Variants in RNF150 observed in about 807,000 individuals in gnomAD.
RNF150 encodes ring finger protein 150.
RNF150 carries 24 observed loss-of-function variants against 39.3 expected under a neutral mutation model. The observed-to-expected ratio is 0.61, with a 90% CI of 0.44 to 0.86. The LOEUF is 0.86. Ranked by LOEUF, RNF150 falls within the 40% of genes least tolerant of loss-of-function variation. RNF150 has a pLI of 0.00. For synonymous variants in RNF150, 255 were observed against 227.3 expected (o/e 1.12, Z -1.10); for missense variants, 502 against 587.8 (o/e 0.85, Z 1.51).
At chr4:141,035,216 C>T (rs894767518) in intron 1 of RNF150, among the ~76,000 whole-genome samples, 3 of 152,160 alleles carry the variant, frequency 2.0e-5, no homozygotes, top group Non-Finnish European at 2.9e-5. Context: ...GAAGTGTTTA[C>T]TTAAAATTAG....
At chr4:140,973,158 G>A (rs1390944488) in intron 1 of RNF150, among the ~76,000 whole-genome samples, 1 of 152,136 alleles carries the variant, frequency 6.6e-6, no homozygotes, top group African/African-American at 2.4e-5. Flanking sequence ...AGTAAGTGAT[G>A]AGAATACTTA....
At chr4:140,927,391 T>C (rs1229462198) in intron 4 of RNF150, among the ~76,000 whole-genome samples, 1 of 152,116 alleles carries the variant, frequency 6.6e-6, no homozygotes, top group East Asian at 1.9e-4. Flanking sequence ...TGGGAGGTGA[T>C]TGGATCATGG....
chr4:140,917,191 A>G (rs1469249118), intron 5 of RNF150, among the ~76,000 whole-genome samples: 1 of 152,192 alleles, frequency 6.6e-6, no homozygotes, highest in African/African-American at 2.4e-5. Flanking sequence ...CACACATAAC[A>G]ATATTAACCT....
At chr4:140,983,643 A>G (rs954867782) in intron 1 of RNF150, among the ~76,000 whole-genome samples, 4 of 151,846 alleles carry the variant, frequency 2.6e-5, no homozygotes, top group Admixed American at 6.6e-5. Flanking sequence ...TGTGGGGGGA[A>G]TCTAGGCATG....
chr4:141,151,213 G>A (rs1205459237), intron 1 of RNF150, among the ~76,000 whole-genome samples: 1 of 151,942 alleles, frequency 6.6e-6, no homozygotes, highest in Non-Finnish European at 1.5e-5. Flanking sequence ...CAAAGTGCTG[G>A]GATTACAGGC....
At chr4:140,937,439 T>C (rs1560976729) in intron 4 of RNF150, among the ~76,000 whole-genome samples, 1 of 152,084 alleles carries the variant, frequency 6.6e-6, no homozygotes, top group Non-Finnish European at 1.5e-5. Flanking sequence ...TTTTGTATTT[T>C]TAGTAGAGAC....
At chr4:141,095,976 T>A (rs1409898291) in intron 1 of RNF150, among the ~76,000 whole-genome samples, 1 of 152,118 alleles carries the variant, frequency 6.6e-6, no homozygotes, top group African/African-American at 2.4e-5. Context: ...ATTTTATATA[T>A]TTTTTAAAAG....
At chr4:141,188,858 C>A (rs1318954283) in intron 1 of RNF150, among the ~76,000 whole-genome samples, 7 of 152,198 alleles carry the variant, frequency 4.6e-5, no homozygotes, top group Admixed American at 4.6e-4. Flanking sequence ...TTATTACCCA[C>A]CTTCTTGAAG....
In RNF150 at chr4:140,940,890, T is replaced by G. The variant is rs7682297; in HGVS notation, c.890+6764A>C. On this transcript the variant is annotated intron_variant, in intron 4 of 6. Coordinates refer to ENST00000515673, the MANE Select transcript of RNF150 (RefSeq NM_020724.2). The stretch of plus-strand genomic sequence containing the variant: ...TGTCTATGGAGCAGCCATTTTGCTG[T>G]ACACTGTTGCTCTAATAGAACCTGC... 7.1e-3 allele frequency among the ~76,000 whole-genome samples: 1,076 copies of G among 152,310 alleles called. 10 individuals carry two copies. The highest frequency in any genetic ancestry group is 0.025 in the African/African-American group (1,023 of 41,570).
intron 1 of RNF150, among the ~76,000 whole-genome samples, chr4:141,155,837 T>C (rs1262650488): frequency 6.6e-6 from 1 of 152,180 alleles, no homozygotes; most frequent in Non-Finnish European, 1.5e-5. Flanking sequence ...AAGGGGAGTC[T>C]GGTTGCAGTA....
At chr4:140,958,447 G>T (rs1231575655) in intron 2 of RNF150, among the ~76,000 whole-genome samples, 1 of 152,274 alleles carries the variant, frequency 6.6e-6, no homozygotes, top group Admixed American at 6.5e-5. Context: ...TGCCATTGAG[G>T]TGGCTTCGTC....
chr4:141,123,676 T>C (rs1408800746), intron 1 of RNF150, among the ~76,000 whole-genome samples: 1 of 152,190 alleles, frequency 6.6e-6, no homozygotes, highest in East Asian at 1.9e-4. Flanking sequence ...ACATTAGGTA[T>C]ATCTCCTAAT....
intron 2 of RNF150, among the ~76,000 whole-genome samples, chr4:140,961,454 A>G (rs2111406193): frequency 6.6e-6 from 1 of 152,236 alleles, no homozygotes; most frequent in Non-Finnish European, 1.5e-5. Context: ...AATGGCTTTG[A>G]TGTTCCATTT....
chr4:141,047,678 C>T (rs748911654), intron 1 of RNF150, among the ~76,000 whole-genome samples: 2 of 152,134 alleles, frequency 1.3e-5, no homozygotes, highest in Admixed American at 1.3e-4. Context: ...AAATCACATG[C>T]ACAGGATTTT....
intron 1 of RNF150, among the ~76,000 whole-genome samples, chr4:141,125,600 T>C (rs1363383120): frequency 6.6e-6 from 1 of 152,124 alleles, no homozygotes; most frequent in Non-Finnish European, 1.5e-5. Context: ...TGTCCAGAAA[T>C]GCAACAATAA....
At chr4:141,072,444 C>G (rs980401652) in intron 1 of RNF150, among the ~76,000 whole-genome samples, 1 of 152,016 alleles carries the variant, frequency 6.6e-6, no homozygotes, top group Non-Finnish European at 1.5e-5. Context: ...GTGGTTTGGG[C>G]ATGTGTGTTT....
chr4:141,097,365 T>C (rs1738828808), intron 1 of RNF150, among the ~76,000 whole-genome samples: 1 of 152,248 alleles, frequency 6.6e-6, no homozygotes, highest in East Asian at 1.9e-4. Flanking sequence ...AAACTTTGCT[T>C]ATATTTTCTT....
upstream of RNF150, among the ~76,000 whole-genome samples, chr4:141,135,313 A>G (rs1217474258): frequency 1.3e-5 from 2 of 152,260 alleles, no homozygotes; most frequent in Non-Finnish European, 2.9e-5. Flanking sequence ...CAGTGGCCAG[A>G]AGATCTTCGT....
At chr4:140,909,758 C>T (rs923027350) in intron 6 of RNF150, among the ~76,000 whole-genome samples, 2 of 152,110 alleles carry the variant, frequency 1.3e-5, no homozygotes, top group Non-Finnish European at 2.9e-5. Flanking sequence ...TCTTTAATGG[C>T]TTTTAAATGC....
Sources: gnomAD v4.1 joint callset for allele counts (sites outside exome capture counted in the v4.1 genomes callset) on GRCh38, gnomAD v4.1.1 for gene constraint, MANE v1.5 for transcripts, NCBI Gene and HGNC (gene_info 2026-07-23, HGNC 2026-07-21) for gene names.